Variants in OTULINL observed in about 807,000 individuals in gnomAD.
The protein encoded by OTULINL is inactive ubiquitin thioesterase OTULINL.
Under a neutral mutation model 43.9 loss-of-function variants are expected in OTULINL, and 42 were observed. That is an observed-to-expected ratio of 0.96 (90% CI 0.75 to 1.24). OTULINL has a LOEUF of 1.24. Among genes scored for constraint, OTULINL ranks in the 50% most tolerant of loss-of-function variants. The pLI is 0.00. For missense variants in OTULINL, 411 were observed against 426.4 expected (o/e 0.96, Z 0.32); for synonymous variants, 172 against 153.6 (o/e 1.12, Z -0.88).
intron 1 of OTULINL, among the ~76,000 whole-genome samples, chr5:14,592,242 C>T (rs1448045985): frequency 1.3e-5 from 2 of 152,064 alleles, no homozygotes; most frequent in Non-Finnish European, 2.9e-5. Flanking sequence ...CTGACCAGGA[C>T]CACGAAGAGA....
In OTULINL at chr5:14,601,199, CT is replaced by C; in HGVS notation, c.225-10del. 1.2e-6 allele frequency: 2 copies of C among 1,611,950 alleles called. No individual in the cohort carries two copies. Among genetic ancestry groups the C allele is most frequent in the Non-Finnish European group, 1.7e-6 (2 of 1,179,348 alleles). Reference sequence around the variant, plus strand: ...AGCAGAATTCTGATATTATTGTTCCCTTTTATCTTTCAGGTGGATTGGATAT... The same window carrying C: ...AGCAGAATTCTGATATTATTGTTCCCTTTATCTTTCAGGTGGATTGGATAT... On this transcript the variant is annotated splice_polypyrimidine_tract_variant and intron_variant, in intron 2 of 7. Transcript: ENST00000274217.
Position 14,611,255 on chromosome 5 carries a change from C to G in OTULINL, c.*941C>G, listed in dbSNP as rs1759576048. 1 of 152,102 alleles carries G rather than the reference C, an allele frequency of 6.6e-6. No homozygotes were observed. Among genetic ancestry groups the G allele is most frequent in the African/African-American group, 2.4e-5 (1 of 41,418 alleles). The allele number at this position is 152,102 out of a possible 1,614,324, so 9.4% of individuals were successfully genotyped here. A position where few individuals can be genotyped will look rare whatever the true frequency, so the allele number is the denominator to read the frequency against. On this transcript the variant is annotated 3_prime_UTR_variant, in exon 8 of 8. Transcript: ENST00000274217. Reference sequence around the variant, plus strand: ...GAACTGAGATGCTAATCCAATGATGCTGAAATAGGGAGATTTTTCTAGATT... The same window carrying G: ...GAACTGAGATGCTAATCCAATGATGGTGAAATAGGGAGATTTTTCTAGATT...
chr5:14,605,838 A>T (rs1221029292), intron 5 of OTULINL, among the ~76,000 whole-genome samples: 1 of 152,186 alleles, frequency 6.6e-6, no homozygotes, highest in Non-Finnish European at 1.5e-5. Flanking sequence ...CCTGGATTTC[A>T]TTATCCATAT....
At position 14,609,024 on chromosome 5, in the gene OTULINL, G is replaced by A. The variant is rs1254627066; in HGVS notation, c.897+7G>A. ...CACATGTGGACTAGAGCAGGTAACCGGGGAGGAAGAACTGCTTGTATTTGA... is the reference window on the plus strand; with the variant it reads ...CACATGTGGACTAGAGCAGGTAACCAGGGAGGAAGAACTGCTTGTATTTGA... On this transcript the variant is annotated splice_region_variant and intron_variant, in intron 7 of 7. Transcript: ENST00000274217. 8 of 1,600,876 alleles carry A rather than the reference G, an allele frequency of 5.0e-6. No individual in the cohort carries two copies. The South Asian group carries it at 5.6e-5, about 11-fold the overall frequency.
At position 14,581,845 on chromosome 5, in the gene OTULINL, C is replaced by CACTGCAG. The variant is rs758873141; in HGVS notation, c.-47_-41dup. 425 of 1,348,620 alleles carry CACTGCAG rather than the reference C, an allele frequency of 3.2e-4. 1 individual carries two copies. Among genetic ancestry groups the CACTGCAG allele is most frequent in the Non-Finnish European group, 3.8e-4 (397 of 1,049,240 alleles). The allele number at this position is 1,348,620 out of a possible 1,614,324, so 83.5% of individuals were successfully genotyped here. ...CGGGCGGCCGTCGCGTCTGACAGAC[C>CACTGCAG]ACTGCAGACCACGGGCCGAGGCCCA... On this transcript the variant is annotated 5_prime_UTR_variant, in exon 1 of 8. Transcript: ENST00000274217.
chr5:14,607,090 C>T (rs1005538572), intron 5 of OTULINL, among the ~76,000 whole-genome samples: 1 of 151,994 alleles, frequency 6.6e-6, no homozygotes, highest in African/African-American at 2.4e-5. Flanking sequence ...ATTAGCTGGG[C>T]GTGGTGGCTC....
At chr5:14,603,665 T>A (rs1019310175) in intron 5 of OTULINL, among the ~76,000 whole-genome samples, 1 of 150,306 alleles carries the variant, frequency 6.7e-6, no homozygotes, top group Non-Finnish European at 1.5e-5. Context: ...TCATTTTTTA[T>A]GTTTTTTTTT....
chr5:14,586,506 A>G (rs764465294), intron 1 of OTULINL, among the ~76,000 whole-genome samples: 7 of 152,344 alleles, frequency 4.6e-5, no homozygotes, highest in South Asian at 2.1e-4. Flanking sequence ...TGTAGCACAT[A>G]AAATGCTATG....
rs1759584409 is a variant in OTULINL, at chr5:14,611,645, TTC to T, written c.*1334_*1335del. 2 of 152,230 alleles carry T rather than the reference TTC, an allele frequency of 1.3e-5. No individual in the cohort carries two copies. The highest frequency in any genetic ancestry group is 2.9e-5 in the Non-Finnish European group (2 of 68,038). 9.4% of individuals were successfully genotyped at this position (152,230 alleles called of 1,614,324 possible). ...GTGTTGTAGCAACAGAAAACTAGTA[TTC>T]TCAGGCTAGTTTTTGGTCGTCTTTA... On this transcript the variant is annotated 3_prime_UTR_variant, in exon 8 of 8. Transcript: ENST00000274217.
At chr5:14,602,593 G>A (rs1039800352) in intron 5 of OTULINL, among the ~76,000 whole-genome samples, 4 of 152,052 alleles carry the variant, frequency 2.6e-5, no homozygotes, top group South Asian at 4.1e-4. Flanking sequence ...ATGCCACCAC[G>A]CCCATGTAAT....
intron 7 of OTULINL, 129 bp from the exon 8 acceptor site, chr5:14,610,009 CAGT>C (rs1759550673): frequency 7.4e-6 from 5 of 675,600 alleles, no homozygotes; most frequent in African/African-American, 1.8e-5. Flanking sequence ...TGTGCCCACT[CAGT>C]GGTGTATGGG....
intron 1 of OTULINL, among the ~76,000 whole-genome samples, chr5:14,593,450 CAA>C (rs529444553): frequency 5.9e-5 from 9 of 152,290 alleles, no homozygotes; most frequent in South Asian, 2.1e-4. Flanking sequence ...AGAATGAAGA[CAA>C]GAGTCCTTTG....
At chr5:14,601,323 A>G in intron 3 of OTULINL, 28 bp from the exon 4 acceptor site, 2 of 1,612,264 alleles carry the variant, frequency 1.2e-6, no homozygotes, top group Non-Finnish European at 1.7e-6. Context: ...GGGAGAATTA[A>G]CAGCTTTTTA....
intron 1 of OTULINL, among the ~76,000 whole-genome samples, chr5:14,592,457 T>C (rs1318344490): frequency 6.6e-6 from 1 of 152,192 alleles, no homozygotes; most frequent in Non-Finnish European, 1.5e-5. Context: ...TCTACTTCTT[T>C]TCTGTGCTTC....
At chr5:14,603,243 T>G (rs1759418951) in intron 5 of OTULINL, among the ~76,000 whole-genome samples, 1 of 152,250 alleles carries the variant, frequency 6.6e-6, no homozygotes, top group Non-Finnish European at 1.5e-5. Flanking sequence ...GACATCTGGA[T>G]TGTTTTTAGT....
In OTULINL at chr5:14,583,413, A is replaced by T. The variant is rs1759051253; in HGVS notation, c.64+1455A>T. ...GGTGTATTCATTTGAACTTTTTATT[A>T]TGTTATTTTCTTTTCTCCTCCCTGC... is the stretch of plus-strand genomic sequence containing the variant. On this transcript the variant is annotated intron_variant, in intron 1 of 7. Coordinates refer to ENST00000274217, the MANE Select transcript of OTULINL (RefSeq NM_019018.3). Among the ~76,000 whole-genome samples the T allele has an allele frequency of 2.0e-5, 3 of 152,234 alleles. No individual in the cohort carries two copies. The South Asian group carries it at 6.2e-4, about 32-fold the overall frequency.
intron 1 of OTULINL, among the ~76,000 whole-genome samples, chr5:14,598,548 A>G (rs1759331898): frequency 6.6e-6 from 1 of 152,218 alleles, no homozygotes; most frequent in Non-Finnish European, 1.5e-5. Context: ...TTGCCACAGC[A>G]TTGTTTGTAA....
At chr5:14,607,251 G>A (rs767002294) in intron 5 of OTULINL, 79 bp from the exon 6 acceptor site, 35 of 1,395,174 alleles carry the variant, frequency 2.5e-5, no homozygotes, top group Non-Finnish European at 3.3e-5. Flanking sequence ...AGATAAGGTT[G>A]TGTGCTGTGC....
At chr5:14,600,276 C>T (rs1029985221) in intron 1 of OTULINL, among the ~76,000 whole-genome samples, 4 of 152,246 alleles carry the variant, frequency 2.6e-5, no homozygotes, top group Non-Finnish European at 4.4e-5. Flanking sequence ...GCTTCCCCTT[C>T]TGCCATGATT....
Sources: gnomAD v4.1 joint callset for allele counts (sites outside exome capture counted in the v4.1 genomes callset) on GRCh38, gnomAD v4.1.1 for gene constraint, MANE v1.5 for transcripts, NCBI Gene and HGNC (gene_info 2026-07-23, HGNC 2026-07-21) for gene names.